COX10: variants seen among roughly 807,000 people sequenced by gnomAD.
The protein encoded by COX10 is protoheme IX farnesyltransferase, mitochondrial.
A neutral mutation model predicts 37.3 loss-of-function variants in COX10; 27 were observed. That is an observed-to-expected ratio of 0.72 (90% CI 0.53 to 1.00). The LOEUF (loss-of-function observed/expected upper bound fraction) is 1.00. Ranked by LOEUF, COX10 falls within the 50% of genes least tolerant of loss-of-function variation. The probability of loss-of-function intolerance (pLI) is 0.00; values close to 1 mark genes in which losing one functional copy is unlikely to be tolerated. For synonymous variants in COX10, 222 were observed against 229.1 expected (o/e 0.97, Z 0.28); for missense variants, 475 against 563.2 (o/e 0.84, Z 1.59).
chr17:14,114,630 G>A (rs1916072321), intron 4 of COX10, among the ~76,000 whole-genome samples: 2 of 152,056 alleles, frequency 1.3e-5, no homozygotes, highest in South Asian at 2.1e-4. Context: ...AAGAAGTCTA[G>A]CCCTTAGGTG....
At chr17:14,137,726 A>G (rs531626968) in intron 4 of COX10, among the ~76,000 whole-genome samples, 4 of 152,206 alleles carry the variant, frequency 2.6e-5, no homozygotes, top group African/African-American at 9.6e-5. Context: ...TAAAAATAGT[A>G]AACTAATAAA....
rs115892361 is a variant in COX10, at chr17:14,147,072, A to G, written c.625-12805A>G. On this transcript the variant is annotated intron_variant, in intron 4 of 6. Coordinates refer to ENST00000261643, the MANE Select transcript of COX10 (RefSeq NM_001303.4). ...AATGTGAATTATTAGTAGACCCAAT[A>G]TGGAGAACAGTTTGGAGGTTCCTCA... 6.7e-3 allele frequency among the ~76,000 whole-genome samples: 1,013 copies of G among 152,246 alleles called. 10 individuals carry two copies. The highest frequency in any genetic ancestry group is 0.023 in the African/African-American group (955 of 41,546).
chr17:14,105,559 T>C (rs1433458979), intron 4 of COX10, among the ~76,000 whole-genome samples: 1 of 152,226 alleles, frequency 6.6e-6, no homozygotes, highest in African/African-American at 2.4e-5. Flanking sequence ...GTGGTATTCC[T>C]TCTATTTCTA....
At chr17:14,080,959 A>G (rs1255027455) in intron 3 of COX10, among the ~76,000 whole-genome samples, 4 of 152,068 alleles carry the variant, frequency 2.6e-5, no homozygotes, top group Admixed American at 6.6e-5. Flanking sequence ...ATGTTTTTGC[A>G]TATTCTCTAA....
chr17:14,159,586 C>G (rs1905128484), intron 4 of COX10, among the ~76,000 whole-genome samples: 1 of 152,074 alleles, frequency 6.6e-6, no homozygotes, highest in African/African-American at 2.4e-5. Context: ...GGTCCTAGAG[C>G]CAATTGTCTG....
intron 3 of COX10, among the ~76,000 whole-genome samples, chr17:14,093,054 T>G (rs1182762113): frequency 6.6e-6 from 1 of 152,192 alleles, no homozygotes; most frequent in Non-Finnish European, 1.5e-5. Context: ...TATCTCAAGT[T>G]TATGGGACTT....
intron 3 of COX10, among the ~76,000 whole-genome samples, chr17:14,079,909 T>C (rs1014365085): frequency 6.6e-6 from 1 of 151,890 alleles, no homozygotes; most frequent in African/African-American, 2.4e-5. Flanking sequence ...CAACATGCCA[T>C]TTTCTTATGA....
chr17:14,208,215 C>T lies in COX10; in HGVS notation c.*1002C>T, dbSNP rs1326135885. On this transcript the variant is annotated 3_prime_UTR_variant, in exon 7 of 7. Coordinates refer to ENST00000261643, the MANE Select transcript of COX10 (RefSeq NM_001303.4). ...AAATTAGCCTCCACATGTGCAATGGCTTTAAGAGCCAGAAGCAGGGTTCTG... is the reference window on the plus strand; with the variant it reads ...AAATTAGCCTCCACATGTGCAATGGTTTTAAGAGCCAGAAGCAGGGTTCTG... 1 of 152,228 alleles carries T rather than the reference C, an allele frequency of 6.6e-6. No individual in the cohort carries two copies. Among genetic ancestry groups the T allele is most frequent in the East Asian group, 1.9e-4 (1 of 5,184 alleles). 9.4% of individuals were successfully genotyped at this position (152,228 alleles called of 1,614,324 possible).
rs560330585 is a variant in COX10, at chr17:14,076,659, T to A, written c.178-76T>A. The A allele has an allele frequency of 1.3e-5, 18 of 1,351,260 alleles. No individual in the cohort carries two copies. In the South Asian group the frequency reaches 2.0e-4, roughly 15 times the overall value. 83.7% of individuals were successfully genotyped at this position (1,351,260 alleles called of 1,614,324 possible). A position where few individuals can be genotyped will look rare whatever the true frequency, so the allele number is the denominator to read the frequency against. On this transcript the variant is annotated intron_variant, in intron 2 of 6. Transcript: ENST00000261643. ...TCAAATAATGTAAAAGCTGGTCTGA[T>A]TGAAGATGTTGCTAAATAACCATTT...
intron 3 of COX10, among the ~76,000 whole-genome samples, chr17:14,087,655 C>T (rs1374474425): frequency 2.0e-5 from 3 of 151,118 alleles, no homozygotes; most frequent in South Asian, 2.1e-4. Context: ...AAGGAGGGCA[C>T]AACAAACGAG....
chr17:14,144,103 A>T (rs1287969348), intron 4 of COX10, among the ~76,000 whole-genome samples: 2 of 152,110 alleles, frequency 1.3e-5, no homozygotes, highest in Non-Finnish European at 2.9e-5. Context: ...GGGTTGCTTA[A>T]TGATTTCTCT....
At chr17:14,163,685 A>G (rs1006058065) in intron 5 of COX10, among the ~76,000 whole-genome samples, 1 of 152,246 alleles carries the variant, frequency 6.6e-6, no homozygotes, top group Non-Finnish European at 1.5e-5. Context: ...AAAAGAAAAA[A>G]AGCAGCTATT....
At chr17:14,205,839 G>A (rs2142272427) in intron 6 of COX10, among the ~76,000 whole-genome samples, 1 of 152,248 alleles carries the variant, frequency 6.6e-6, no homozygotes. Flanking sequence ...GGCAAACTAT[G>A]AGAGTAGGGT....
At chr17:14,088,559 A>G (rs1004038258) in intron 3 of COX10, among the ~76,000 whole-genome samples, 1 of 152,194 alleles carries the variant, frequency 6.6e-6, no homozygotes, top group Non-Finnish European at 1.5e-5. Context: ...ATAAGATGCT[A>G]TGGTAGATGC....
intron 5 of COX10, among the ~76,000 whole-genome samples, chr17:14,188,702 C>T (rs1275393650): frequency 6.6e-6 from 1 of 152,154 alleles, no homozygotes; most frequent in Non-Finnish European, 1.5e-5. Context: ...CAAATCAGGA[C>T]TGTGAAGTGG....
At chr17:14,138,874 C>T (rs893571394) in intron 4 of COX10, among the ~76,000 whole-genome samples, 5 of 152,000 alleles carry the variant, frequency 3.3e-5, no homozygotes, top group Admixed American at 3.3e-4. Flanking sequence ...GTGGGGTATT[C>T]GGTAGTGATG....
chr17:14,074,286 T>A, intron 1 of COX10, 37 bp from the exon 2 acceptor site: 1 of 1,613,368 alleles, frequency 6.2e-7, no homozygotes, highest in Non-Finnish European at 8.5e-7. Context: ...GAAGTACGAA[T>A]CATTTAACCT....
Position 14,168,927 on chromosome 17 carries a change from G to A in COX10, c.695+8980G>A, listed in dbSNP as rs952759467. ...AACATTATGCTCTTCATTACTTAACGCAAATTTTCTGCAGGCAGCTTGAAT... is the reference window on the plus strand; with the variant it reads ...AACATTATGCTCTTCATTACTTAACACAAATTTTCTGCAGGCAGCTTGAAT... On this transcript the variant is annotated intron_variant, in intron 5 of 6. Coordinates refer to ENST00000261643, the MANE Select transcript of COX10 (RefSeq NM_001303.4). Among the ~76,000 whole-genome samples the A allele has an allele frequency of 9.9e-5, 15 of 152,268 alleles. No individual in the cohort carries two copies. The South Asian group carries it at 1.5e-3, about 15-fold the overall frequency.
intron 5 of COX10, among the ~76,000 whole-genome samples, chr17:14,190,951 A>G (rs1284586666): frequency 6.6e-6 from 1 of 152,124 alleles, no homozygotes. Context: ...TAGAAGCTGC[A>G]CACTGGTGAC....
Sources: gnomAD v4.1 joint callset for allele counts (sites outside exome capture counted in the v4.1 genomes callset) on GRCh38, gnomAD v4.1.1 for gene constraint, MANE v1.5 for transcripts, NCBI Gene and HGNC (gene_info 2026-07-23, HGNC 2026-07-21) for gene names.